RBM46: variants seen among roughly 807,000 people sequenced by gnomAD.
RBM46 encodes RNA binding motif protein 46.
In RBM46, 12 loss-of-function variants were observed where a neutral mutation model predicts 43.3. The observed-to-expected ratio is 0.28, with a 90% CI of 0.18 to 0.45. The LOEUF (loss-of-function observed/expected upper bound fraction) is 0.45, where lower values mean the gene tolerates loss of function less well. Ranked by LOEUF, RBM46 falls within the 20% of genes least tolerant of loss-of-function variation. The probability of loss-of-function intolerance (pLI) is 1.00; values close to 1 mark genes in which losing one functional copy is unlikely to be tolerated. For missense variants in RBM46, 412 were observed against 639.1 expected (o/e 0.64, Z 3.83); for synonymous variants, 205 against 207.6 (o/e 0.99, Z 0.11).
At chr4:154,804,291 A>G (rs1734797879) in intron 4 of RBM46, among the ~76,000 whole-genome samples, 1 of 152,186 alleles carries the variant, frequency 6.6e-6, no homozygotes. Context: ...CTATATGGAG[A>G]TATCTTGGGT....
At chr4:154,810,288 ACATAGTAT>A (rs1202137218) in intron 4 of RBM46, among the ~76,000 whole-genome samples, 1 of 152,182 alleles carries the variant, frequency 6.6e-6, no homozygotes, top group African/African-American at 2.4e-5. Context: ...TAGGAAAGTT[ACATAGTAT>A]CAAGGCTAAA....
intron 4 of RBM46, among the ~76,000 whole-genome samples, chr4:154,822,810 A>G (rs1735782284): frequency 6.6e-6 from 1 of 151,776 alleles, no homozygotes; most frequent in African/African-American, 2.4e-5. Flanking sequence ...CTCATCCTTA[A>G]CACTGGTGGG....
intron 1 of RBM46, among the ~76,000 whole-genome samples, chr4:154,789,170 T>C (rs1038509291): frequency 1.3e-5 from 2 of 152,132 alleles, no homozygotes; most frequent in Non-Finnish European, 2.9e-5. Context: ...CCTTTATTTA[T>C]TTCTCCTGCC....
At chr4:154,784,691 C>G (rs914063206) in intron 1 of RBM46, among the ~76,000 whole-genome samples, 2 of 152,192 alleles carry the variant, frequency 1.3e-5, no homozygotes, top group Non-Finnish European at 2.9e-5. Flanking sequence ...CCATTTTTGA[C>G]ATTCTACTCA....
chr4:154,816,825 G>A (rs1277950566), intron 4 of RBM46, among the ~76,000 whole-genome samples: 11 of 151,890 alleles, frequency 7.2e-5, no homozygotes, highest in Admixed American at 5.2e-4. Context: ...TATAGAAGTC[G>A]TTTATCACTT....
chr4:154,783,485 C>T (rs1733605868), intron 1 of RBM46, among the ~76,000 whole-genome samples: 1 of 151,966 alleles, frequency 6.6e-6, no homozygotes, highest in African/African-American at 2.4e-5. Context: ...ATATTAATGC[C>T]GAATGTTATT....
At chr4:154,826,432 T>G (rs1407497616) in intron 4 of RBM46, among the ~76,000 whole-genome samples, 1 of 152,124 alleles carries the variant, frequency 6.6e-6, no homozygotes. Flanking sequence ...CACCCCAGCT[T>G]GGGCAACAAG....
chr4:154,800,232 A>G (rs36005031), intron 4 of RBM46, among the ~76,000 whole-genome samples: 31,738 of 152,114 alleles, frequency 0.21, 4,016 homozygotes, highest in Middle Eastern at 0.29. Flanking sequence ...CCAATTTATT[A>G]TAGAGTGTCC....
At chr4:154,819,968 A>G (rs868768795) in intron 4 of RBM46, among the ~76,000 whole-genome samples, 2 of 152,136 alleles carry the variant, frequency 1.3e-5, no homozygotes, top group Non-Finnish European at 2.9e-5. Flanking sequence ...ACTACACCTT[A>G]TACAACATTT....
At chr4:154,795,302 A>AT (rs1375124233) in intron 1 of RBM46, among the ~76,000 whole-genome samples, 2 of 152,164 alleles carry the variant, frequency 1.3e-5, no homozygotes, top group Non-Finnish European at 2.9e-5. Flanking sequence ...CAGGATTCAG[A>AT]TTTTTTAGCC....
At chr4:154,822,603 G>C (rs1215334985) in intron 4 of RBM46, among the ~76,000 whole-genome samples, 3 of 151,264 alleles carry the variant, frequency 2.0e-5, no homozygotes, top group African/African-American at 7.3e-5. Context: ...ATAAAATTTA[G>C]TGTTTGAGTG....
intron 1 of RBM46, among the ~76,000 whole-genome samples, chr4:154,786,854 G>C (rs190011332): frequency 2.1e-4 from 32 of 152,290 alleles, no homozygotes; most frequent in South Asian, 1.0e-3. Context: ...TTGAACCTGG[G>C]GGGTGGAGGT....
At chr4:154,814,605 A>C (rs1172928085) in intron 4 of RBM46, among the ~76,000 whole-genome samples, 6 of 152,028 alleles carry the variant, frequency 3.9e-5, no homozygotes, top group Non-Finnish European at 8.8e-5. Context: ...AACAAAGCTA[A>C]TTCTAAAACT....
intron 4 of RBM46, among the ~76,000 whole-genome samples, chr4:154,821,576 T>C (rs1735725123): frequency 6.6e-6 from 1 of 151,850 alleles, no homozygotes. Context: ...TAGATGTATT[T>C]CTTTTTTTAA....
chr4:154,819,249 G>A (rs941552440), intron 4 of RBM46, among the ~76,000 whole-genome samples: 1 of 152,192 alleles, frequency 6.6e-6, no homozygotes, highest in Non-Finnish European at 1.5e-5. Context: ...GGCAGGAATT[G>A]AAGTTAAATT....
intron 4 of RBM46, among the ~76,000 whole-genome samples, chr4:154,808,094 T>A (rs1734995308): frequency 6.6e-6 from 1 of 152,000 alleles, no homozygotes; most frequent in African/African-American, 2.4e-5. Flanking sequence ...TATATAAGAG[T>A]ACAATCATCA....
chr4:154,817,241 T>TA (rs1365444925), intron 4 of RBM46, among the ~76,000 whole-genome samples: 1 of 152,070 alleles, frequency 6.6e-6, no homozygotes, highest in African/African-American at 2.4e-5. Context: ...GAGGCCATCT[T>TA]AGAGTTTTTA....
At chr4:154,827,086 C>T (rs774536617) in intron 4 of RBM46, 26 of 1,115,172 alleles carry the variant, frequency 2.3e-5, no homozygotes, top group Non-Finnish European at 2.7e-5. Flanking sequence ...GTAATATACA[C>T]ACACACATAT....
chr4:154,810,773 A>G (rs1203871297), intron 4 of RBM46, among the ~76,000 whole-genome samples: 2 of 152,210 alleles, frequency 1.3e-5, no homozygotes, highest in Non-Finnish European at 2.9e-5. Context: ...GTTCCCTAAT[A>G]CCACTTGGAA....
Sources: gnomAD v4.1 joint callset for allele counts (sites outside exome capture counted in the v4.1 genomes callset) on GRCh38, gnomAD v4.1.1 for gene constraint, MANE v1.5 for transcripts, NCBI Gene and HGNC (gene_info 2026-07-23, HGNC 2026-07-21) for gene names.